Variants in CHRM3 observed in about 807,000 individuals in gnomAD.
CHRM3 encodes muscarinic acetylcholine receptor M3.
In CHRM3, 11 loss-of-function variants were observed where a neutral mutation model predicts 41.8. The observed-to-expected ratio is 0.26, with a 90% CI of 0.17 to 0.44. CHRM3 has a LOEUF of 0.44. Ranked by LOEUF, CHRM3 falls within the 20% of genes least tolerant of loss-of-function variation. The pLI is 1.00. For synonymous variants in CHRM3, 297 were observed against 301.4 expected (o/e 0.99, Z 0.15); for missense variants, 571 against 745.4 (o/e 0.77, Z 2.72).
chr1:239,759,194 TTTAG>T lies in CHRM3; in HGVS notation c.-146-68057_-146-68054del, dbSNP rs796765670. Among the ~76,000 whole-genome samples, 369 of 136,390 alleles carry T rather than the reference TTTAG, an allele frequency of 2.7e-3. 5 individuals carry two copies. Among genetic ancestry groups the T allele is most frequent in the African/African-American group, 0.011 (340 of 31,962 alleles). 89.5% of individuals were successfully genotyped at this position (136,390 alleles called of 152,430 possible). ...GTTTTTTTTTTTTGTTTTTTTTTTT[TTTAG>T]AGAGAGGCTTATCCTGAATGTCTGC... On this transcript the variant is annotated intron_variant, in intron 5 of 6. Transcript: ENST00000676153.
chr1:239,665,139 C>A (rs1673645308), intron 4 of CHRM3, among the ~76,000 whole-genome samples: 1 of 146,546 alleles, frequency 6.8e-6, no homozygotes. Flanking sequence ...CTGGCATTTC[C>A]AACGTTAAAA....
At chr1:239,847,042 G>T (rs1388438458) in intron 6 of CHRM3, among the ~76,000 whole-genome samples, 1 of 152,162 alleles carries the variant, frequency 6.6e-6, no homozygotes, top group African/African-American at 2.4e-5. Context: ...AGGACCCAAA[G>T]CTCCTTCTGG....
At chr1:239,686,519 A>G (rs376183712) in intron 5 of CHRM3, among the ~76,000 whole-genome samples, 9 of 152,102 alleles carry the variant, frequency 5.9e-5, no homozygotes, top group Admixed American at 4.6e-4. Context: ...CAGAGTTAAA[A>G]GTTCTCCATG....
At chr1:239,906,746 G>T (rs1302199398) in intron 6 of CHRM3, among the ~76,000 whole-genome samples, 1 of 152,128 alleles carries the variant, frequency 6.6e-6, no homozygotes, top group African/African-American at 2.4e-5. Flanking sequence ...AATATTTAAA[G>T]CTGGTTTGGT....
At chr1:239,843,546 T>C (rs567594330) in intron 6 of CHRM3, among the ~76,000 whole-genome samples, 82 of 150,522 alleles carry the variant, frequency 5.4e-4, no homozygotes, top group Middle Eastern at 3.4e-3. Context: ...AATGGTCTCA[T>C]GTAGGCAGAG....
chr1:239,558,238 A>G (rs1355051418), intron 3 of CHRM3, among the ~76,000 whole-genome samples: 1 of 152,098 alleles, frequency 6.6e-6, no homozygotes, highest in African/African-American at 2.4e-5. Context: ...ATGATCAGTG[A>G]TGTGTTTTTT....
intron 4 of CHRM3, among the ~76,000 whole-genome samples, chr1:239,667,181 A>G (rs2149041032): frequency 6.6e-6 from 1 of 152,312 alleles, no homozygotes; most frequent in South Asian, 2.1e-4. Flanking sequence ...CCACCTTCAC[A>G]GCTTATTCAG....
chr1:239,582,663 T>C (rs780468234), intron 3 of CHRM3, among the ~76,000 whole-genome samples: 2 of 152,258 alleles, frequency 1.3e-5, no homozygotes, highest in Non-Finnish European at 2.9e-5. Context: ...TCCTCTTAAG[T>C]TGATCTCTTC....
At chr1:239,459,780 A>G (rs1665218280) in intron 1 of CHRM3, among the ~76,000 whole-genome samples, 1 of 152,090 alleles carries the variant, frequency 6.6e-6, no homozygotes, top group Admixed American at 6.6e-5. Flanking sequence ...AGCTTTTGAC[A>G]TTTTCTCCAA....
chr1:239,784,987 C>T (rs897177614), intron 5 of CHRM3, among the ~76,000 whole-genome samples: 1 of 152,184 alleles, frequency 6.6e-6, no homozygotes, highest in African/African-American at 2.4e-5. Flanking sequence ...CACATTTTAT[C>T]CTATAGTTGT....
intron 2 of CHRM3, among the ~76,000 whole-genome samples, chr1:239,539,593 G>A (rs1658547304): frequency 6.6e-6 from 1 of 152,152 alleles, no homozygotes; most frequent in African/African-American, 2.4e-5. Context: ...ACTTATACAA[G>A]AGTAGTCTTC....
chr1:239,529,123 A>G (rs1670195058), intron 2 of CHRM3, among the ~76,000 whole-genome samples: 1 of 152,172 alleles, frequency 6.6e-6, no homozygotes, highest in Non-Finnish European at 1.5e-5. Flanking sequence ...AAGAAAAAAA[A>G]TTAGATTTAA....
intron 3 of CHRM3, among the ~76,000 whole-genome samples, chr1:239,590,507 G>T (rs954330837): frequency 6.6e-6 from 1 of 152,130 alleles, no homozygotes; most frequent in Admixed American, 6.5e-5. Flanking sequence ...GAAGATTGTT[G>T]TAACCGTTTT....
chr1:239,726,532 A>G (rs921929246), intron 5 of CHRM3, among the ~76,000 whole-genome samples: 1 of 151,936 alleles, frequency 6.6e-6, no homozygotes, highest in Non-Finnish European at 1.5e-5. Flanking sequence ...CTATACCTAA[A>G]GAGGTTATCA....
chr1:239,402,538 T>C (rs990662416), intron 1 of CHRM3, among the ~76,000 whole-genome samples: 3 of 152,196 alleles, frequency 2.0e-5, no homozygotes, highest in Admixed American at 2.0e-4. Context: ...CGCTCTGTCA[T>C]GTCACTGTAG....
At chr1:239,473,271 A>C (rs1572418533) in intron 1 of CHRM3, among the ~76,000 whole-genome samples, 2 of 151,828 alleles carry the variant, frequency 1.3e-5, no homozygotes, top group African/African-American at 4.8e-5. Flanking sequence ...TTGAAAAAAA[A>C]AAAAAAAAAA....
chr1:239,803,766 A>G (rs1051557224), intron 5 of CHRM3, among the ~76,000 whole-genome samples: 2 of 152,210 alleles, frequency 1.3e-5, no homozygotes, highest in East Asian at 1.9e-4. Flanking sequence ...TGATGCAGGC[A>G]AGCTAAGAGT....
At chr1:239,547,828 A>G (rs1318173923) in intron 3 of CHRM3, among the ~76,000 whole-genome samples, 1 of 152,242 alleles carries the variant, frequency 6.6e-6, no homozygotes, top group Non-Finnish European at 1.5e-5. Context: ...AATGATTAAC[A>G]AATACTTAAA....
chr1:239,440,779 C>G (rs1014111454), intron 1 of CHRM3, among the ~76,000 whole-genome samples: 11 of 152,122 alleles, frequency 7.2e-5, no homozygotes, highest in African/African-American at 2.7e-4. Flanking sequence ...CAAATGTATC[C>G]TTTGTAATAG....
Sources: allele counts gnomAD v4.1 joint callset (sites outside exome capture counted in the v4.1 genomes callset), GRCh38; gene constraint gnomAD v4.1.1; transcripts MANE v1.5; gene names NCBI Gene and HGNC (gene_info 2026-07-23, HGNC 2026-07-21).